PNPLA8: variants seen among roughly 807,000 people sequenced by gnomAD.
PNPLA8 encodes patatin like domain 8, phospholipase A2, also known as calcium-independent phospholipase A2-gamma.
In PNPLA8, 39 loss-of-function variants were observed where a neutral mutation model predicts 76.9. The observed-to-expected ratio is 0.51, with a 90% confidence interval of 0.39 to 0.66. The LOEUF is 0.66. Among genes scored for constraint, PNPLA8 ranks in the 30% least tolerant of loss-of-function variants. PNPLA8 has a pLI of 0.00. For missense variants in PNPLA8, 887 were observed against 918.0 expected (o/e 0.97, Z 0.44); for synonymous variants, 301 against 307.9 (o/e 0.98, Z 0.24).
At chr7:108,474,422 T>C (rs1859838977) in intron 10 of PNPLA8, among the ~76,000 whole-genome samples, 1 of 152,112 alleles carries the variant, frequency 6.6e-6, no homozygotes, top group African/African-American at 2.4e-5. Context: ...GAAGGGCATG[T>C]AGATTAAAAA....
At chr7:108,497,323 G>A (rs1861618355) in intron 6 of PNPLA8, among the ~76,000 whole-genome samples, 160 bp downstream of exon 6, 1 of 152,120 alleles carries the variant, frequency 6.6e-6, no homozygotes, top group Non-Finnish European at 1.5e-5. Flanking sequence ...GTGCCTAACT[G>A]GCATAACCAT....
At chr7:108,500,375 T>C (rs1044471056) in intron 5 of PNPLA8, among the ~76,000 whole-genome samples, 1 of 152,248 alleles carries the variant, frequency 6.6e-6, no homozygotes, top group Non-Finnish European at 1.5e-5. Context: ...TTTCTTAAGA[T>C]TATTTCACTT....
chr7:108,516,670 A>T (rs1472122022), intron 2 of PNPLA8, among the ~76,000 whole-genome samples: 2 of 152,184 alleles, frequency 1.3e-5, no homozygotes, highest in African/African-American at 4.8e-5. Context: ...TAGGAGGCTG[A>T]GGCAGGCAGA....
At chr7:108,487,448 G>A (rs113281191) in intron 9 of PNPLA8, among the ~76,000 whole-genome samples, 290 of 152,136 alleles carry the variant, frequency 1.9e-3, no homozygotes, top group African/African-American at 6.2e-3. Flanking sequence ...AGTGTATATC[G>A]TTTTTACTTT....
rs941589377 is a variant in PNPLA8, at chr7:108,470,957, T to C, written c.*1444A>G. 8.5e-5 allele frequency: 13 copies of C among 152,206 alleles called. No individual in the cohort carries two copies. Among genetic ancestry groups the C allele is most frequent in the African/African-American group, 9.6e-5 (4 of 41,462 alleles). 9.4% of individuals were successfully genotyped at this position (152,206 alleles called of 1,614,324 possible). ...ATCTCACAGCCTCTGTGAATTGATATTGCAAAGAAGCAATATGACTATCTG... is the reference window on the plus strand; with the variant it reads ...ATCTCACAGCCTCTGTGAATTGATACTGCAAAGAAGCAATATGACTATCTG... On this transcript the variant is annotated 3_prime_UTR_variant, in exon 11 of 11. Coordinates refer to ENST00000257694, the MANE Select transcript of PNPLA8 (RefSeq NM_001256007.3).
At chr7:108,487,729 T>A (rs568701785) in intron 9 of PNPLA8, 30 bp downstream of exon 9, 89 of 1,433,268 alleles carry the variant, frequency 6.2e-5, no homozygotes, top group South Asian at 3.2e-4. Context: ...ATGTAAAATT[T>A]AAAAAAATAA....
chr7:108,493,449 G>A (rs1861331233), intron 7 of PNPLA8, among the ~76,000 whole-genome samples: 1 of 151,492 alleles, frequency 6.6e-6, no homozygotes, highest in Admixed American at 6.6e-5. Context: ...TCGCTCTGTC[G>A]CCCAGACTGG....
chr7:108,472,708 T>G (rs748420936), intron 10 of PNPLA8, 33 bp from the exon 11 acceptor site: 1 of 1,491,634 alleles, frequency 6.7e-7, no homozygotes, highest in East Asian at 2.3e-5. Context: ...GATAAGGGGA[T>G]AAGAAAAGAG....
intron 1 of PNPLA8, among the ~76,000 whole-genome samples, chr7:108,524,809 A>C (rs764631236): frequency 2.0e-5 from 3 of 152,160 alleles, no homozygotes; most frequent in Non-Finnish European, 4.4e-5. Context: ...TCCCAACAAC[A>C]ACAAAAAATG....
At chr7:108,503,400 A>G (rs1862107339) in intron 4 of PNPLA8, among the ~76,000 whole-genome samples, 1 of 152,074 alleles carries the variant, frequency 6.6e-6, no homozygotes, top group Non-Finnish European at 1.5e-5. Context: ...CCTAGGTATC[A>G]CTCATTTTGT....
At chr7:108,473,934 G>A (rs1400685086) in intron 10 of PNPLA8, among the ~76,000 whole-genome samples, 2 of 151,768 alleles carry the variant, frequency 1.3e-5, no homozygotes, top group East Asian at 3.9e-4. Context: ...CAAACTTCTG[G>A]GCTCAACCGA....
chr7:108,505,347 TATATA>T (rs1467960953), intron 4 of PNPLA8, among the ~76,000 whole-genome samples: 9 of 10,222 alleles, frequency 8.8e-4, no homozygotes, highest in African/African-American at 3.7e-3. Context: ...TATATATATA[TATATA>T]TTTTTTTTTT....
chr7:108,472,608 A>C lies in PNPLA8; in HGVS notation c.2142T>G (p.Cys714Trp). The C allele has an allele frequency of 6.2e-7, 1 of 1,611,562 alleles. No homozygotes were observed. The highest frequency in any genetic ancestry group is 2.2e-5 in the East Asian group (1 of 44,836). The part of the protein sequence containing the change: ...DTYFRFNPVM[C>W]ENIPLDESRN... ...GACTTTCATCTAGAGGTATGTTTTC[A>C]CACATTACAGGATTGAATCTAAAAT... is the stretch of plus-strand genomic sequence containing the variant. The change falls in exon 11 of 11, where the codon TGT (cysteine) becomes TGG (tryptophan). Residue 714 changes from cysteine (C) to tryptophan (W), a missense_variant. Coordinates refer to ENST00000257694, the MANE Select transcript of PNPLA8 (RefSeq NM_001256007.3).
chr7:108,478,814 T>G (rs1441267157), intron 10 of PNPLA8, among the ~76,000 whole-genome samples: 1 of 152,222 alleles, frequency 6.6e-6, no homozygotes, highest in East Asian at 1.9e-4. Context: ...AATAATTGAA[T>G]GTCCTTTACT....
At position 108,505,685 on chromosome 7, in the gene PNPLA8, T is replaced by G. The variant is rs139752353; in HGVS notation, c.1207-3043A>C. Among the ~76,000 whole-genome samples, 174 of 152,036 alleles carry G rather than the reference T, an allele frequency of 1.1e-3. 1 individual carries two copies. Among genetic ancestry groups the G allele is most frequent in the East Asian group, 9.3e-3 (48 of 5,174 alleles). On this transcript the variant is annotated intron_variant, in intron 4 of 10. Transcript: ENST00000257694. ...CAAAAATACTTTTATGACTTTAGGA[T>G]AGGCAAAGATTTCTTAAACAGGACA...
rs1031041958 is a variant in PNPLA8, at chr7:108,524,509, T to C, written c.-130+1520A>G. On this transcript the variant is annotated intron_variant, in intron 1 of 10. Transcript: ENST00000257694. ...TAATGAACAGAATAAAATACTTGAG[T>C]ACTGCAGAGAAAGATAAGAACTAAG... Among the ~76,000 whole-genome samples the C allele has an allele frequency of 7.9e-5, 12 of 152,082 alleles. No individual in the cohort carries two copies. In the South Asian group the frequency reaches 8.3e-4, roughly 11 times the overall value.
chr7:108,479,145 T>C, intron 10 of PNPLA8, 39 bp downstream of exon 10: 1 of 1,443,228 alleles, frequency 6.9e-7, no homozygotes, highest in South Asian at 1.2e-5. Context: ...GCTAGAATGC[T>C]AGAAGTTGAA....
chr7:108,523,756 T>C (rs1419915738), intron 1 of PNPLA8, among the ~76,000 whole-genome samples: 1 of 152,208 alleles, frequency 6.6e-6, no homozygotes, highest in Non-Finnish European at 1.5e-5. Flanking sequence ...TTTTTCTTAC[T>C]ACCCTACTAC....
intron 2 of PNPLA8, among the ~76,000 whole-genome samples, chr7:108,517,416 G>A (rs934666097): frequency 1.3e-4 from 20 of 152,150 alleles, no homozygotes; most frequent in African/African-American, 4.8e-4. Context: ...TTACCCAAAG[G>A]AGCTGAAGAC....
Sources: gnomAD v4.1 joint callset for allele counts (sites outside exome capture counted in the v4.1 genomes callset) on GRCh38, gnomAD v4.1.1 for gene constraint, MANE v1.5 for transcripts, NCBI Gene and HGNC (gene_info 2026-07-23, HGNC 2026-07-21) for gene names.